Variants in SPAG16 observed in about 807,000 individuals in gnomAD.
SPAG16 encodes the protein sperm-associated antigen 16 protein.
Under a neutral mutation model 80.4 loss-of-function variants are expected in SPAG16, and 86 were observed. The observed-to-expected ratio is 1.07, with a 90% CI of 0.90 to 1.28. The LOEUF (loss-of-function observed/expected upper bound fraction) is 1.28. Ranked by LOEUF, SPAG16 falls within the 50% of genes most tolerant of loss-of-function variation. The pLI is 0.00. For missense variants in SPAG16, 870 were observed against 765.3 expected (o/e 1.14, Z -1.61); for synonymous variants, 294 against 265.9 (o/e 1.11, Z -1.03).
chr2:213,299,982 C>T (rs2062668423), intron 3 of SPAG16, among the ~76,000 whole-genome samples: 2 of 152,032 alleles, frequency 1.3e-5, no homozygotes, highest in Non-Finnish European at 2.9e-5. Flanking sequence ...GCTGGGTCTC[C>T]CCTTCTAAAT....
chr2:214,160,050 T>C (rs1446388783), intron 15 of SPAG16, among the ~76,000 whole-genome samples: 1 of 151,908 alleles, frequency 6.6e-6, no homozygotes, highest in Non-Finnish European at 1.5e-5. Flanking sequence ...CAAAGCAAAT[T>C]GAAACAATAG....
At chr2:213,764,685 A>G (rs1217804026) in intron 10 of SPAG16, among the ~76,000 whole-genome samples, 1 of 152,186 alleles carries the variant, frequency 6.6e-6, no homozygotes, top group Admixed American at 6.5e-5. Context: ...TACTACTGAG[A>G]GAACATGATA....
chr2:214,284,340 G>A, intron 15 of SPAG16, among the ~76,000 whole-genome samples: 1 of 152,064 alleles, frequency 6.6e-6, no homozygotes, highest in East Asian at 1.9e-4. Flanking sequence ...CCTTTAGTTT[G>A]ATTTGTTTCT....
chr2:213,870,575 C>T (rs572738196), intron 11 of SPAG16, among the ~76,000 whole-genome samples: 1 of 152,198 alleles, frequency 6.6e-6, no homozygotes, highest in Non-Finnish European at 1.5e-5. Flanking sequence ...ACTTAAACTC[C>T]CAGCACCTCA....
intron 13 of SPAG16, among the ~76,000 whole-genome samples, chr2:214,105,644 A>AT (rs1166783847): frequency 4.6e-5 from 7 of 152,054 alleles, no homozygotes; most frequent in African/African-American, 9.6e-5. Flanking sequence ...CATTATTATT[A>AT]TTTTTTTTGT....
At chr2:214,097,586 A>G (rs1192618954) in intron 13 of SPAG16, among the ~76,000 whole-genome samples, 3 of 152,138 alleles carry the variant, frequency 2.0e-5, no homozygotes. Flanking sequence ...CCTTTTGCTT[A>G]AATTACCTTG....
intron 11 of SPAG16, among the ~76,000 whole-genome samples, chr2:213,872,830 G>A (rs1263115913): frequency 1.3e-5 from 2 of 152,038 alleles, no homozygotes; most frequent in African/African-American, 2.4e-5. Context: ...TTCTGCATCT[G>A]TTGAAATGAT....
intron 10 of SPAG16, among the ~76,000 whole-genome samples, chr2:213,805,209 C>A (rs183418349): frequency 6.6e-6 from 1 of 152,022 alleles, no homozygotes; most frequent in Non-Finnish European, 1.5e-5. Context: ...AAGAAGAGCA[C>A]ACATAGAAAG....
At chr2:213,444,032 G>A (rs1161302703) in intron 9 of SPAG16, among the ~76,000 whole-genome samples, 5 of 152,204 alleles carry the variant, frequency 3.3e-5, no homozygotes, top group African/African-American at 1.2e-4. Flanking sequence ...TGCACTGATT[G>A]TTGGAGGAGG....
chr2:213,819,572 T>G (rs1030619592), intron 10 of SPAG16, among the ~76,000 whole-genome samples: 1 of 152,020 alleles, frequency 6.6e-6, no homozygotes, highest in South Asian at 2.1e-4. Context: ...CCCAGAAGCG[T>G]CTACTTCTGT....
intron 12 of SPAG16, among the ~76,000 whole-genome samples, chr2:213,991,167 G>A (rs567573385): frequency 2.3e-4 from 35 of 151,942 alleles, no homozygotes; most frequent in Admixed American, 7.9e-4. Context: ...CCCACTCCCC[G>A]TCAGGCCCTG....
intron 15 of SPAG16, among the ~76,000 whole-genome samples, chr2:214,309,570 T>TTTTC (rs1695142996): frequency 6.6e-6 from 1 of 152,184 alleles, no homozygotes; most frequent in African/African-American, 2.4e-5. Context: ...TAGGTTTTTT[T>TTTTC]TTTCTTTTAT....
At chr2:213,573,693 T>G (rs1286356092) in intron 10 of SPAG16, among the ~76,000 whole-genome samples, 1 of 152,226 alleles carries the variant, frequency 6.6e-6, no homozygotes, top group Non-Finnish European at 1.5e-5. Flanking sequence ...AAGTCCATGA[T>G]TTCTTCTACT....
intron 15 of SPAG16, among the ~76,000 whole-genome samples, chr2:214,170,688 G>C (rs892755471): frequency 6.6e-5 from 10 of 151,942 alleles, no homozygotes; most frequent in African/African-American, 2.2e-4. Flanking sequence ...AGGTCAATTG[G>C]ATGTGTGAAA....
At chr2:213,317,381 T>G in intron 5 of SPAG16, 25 bp downstream of exon 5, 2 of 1,591,436 alleles carry the variant, frequency 1.3e-6, no homozygotes, top group South Asian at 1.1e-5. Context: ...AAATGACATT[T>G]TCTTCTTTTT....
chr2:214,315,237 T>C (rs1307971467), intron 15 of SPAG16, among the ~76,000 whole-genome samples: 1 of 152,124 alleles, frequency 6.6e-6, no homozygotes, highest in Non-Finnish European at 1.5e-5. Context: ...ACCTATTTCC[T>C]CCATCTGTTA....
chr2:213,631,817 T>C (rs2062163124), intron 10 of SPAG16, among the ~76,000 whole-genome samples: 1 of 150,786 alleles, frequency 6.6e-6, no homozygotes, highest in African/African-American at 2.4e-5. Context: ...TGTTTCTAGG[T>C]TTTCTATTTT....
chr2:213,661,882 C>T (rs142887197), intron 10 of SPAG16, among the ~76,000 whole-genome samples: 1 of 152,164 alleles, frequency 6.6e-6, no homozygotes, highest in East Asian at 1.9e-4. Context: ...CCAGAAGAAC[C>T]TGGTTTCTAT....
intron 10 of SPAG16, among the ~76,000 whole-genome samples, chr2:213,642,052 C>T (rs1455402152): frequency 6.6e-6 from 1 of 152,160 alleles, no homozygotes; most frequent in African/African-American, 2.4e-5. Flanking sequence ...TTACAGGTCC[C>T]TCCTTGAGGA....
Sources: allele counts gnomAD v4.1 joint callset (sites outside exome capture counted in the v4.1 genomes callset), GRCh38; gene constraint gnomAD v4.1.1; transcripts MANE v1.5; gene names NCBI Gene and HGNC (gene_info 2026-07-23, HGNC 2026-07-21).